The following GFRA1 variants were observed in gnomAD, a reference collection of about 807,000 sequenced individuals.
GFRA1 encodes the protein GDNF family receptor alpha 1, also known as GDNF family receptor alpha-1.
GFRA1 carries 16 observed loss-of-function variants against 51.6 expected under a neutral mutation model. That is an observed-to-expected ratio of 0.31 (90% confidence interval 0.21 to 0.47). The LOEUF (loss-of-function observed/expected upper bound fraction) is 0.47, where lower values mean the gene tolerates loss of function less well. Ranked by LOEUF, GFRA1 falls within the 20% of genes least tolerant of loss-of-function variation. The pLI, the probability that GFRA1 is intolerant of heterozygous loss-of-function variation, is 1.00. For synonymous variants in GFRA1, 270 were observed against 241.3 expected (o/e 1.12, Z -1.10); for missense variants, 530 against 594.3 (o/e 0.89, Z 1.13).
Position 116,199,309 on chromosome 10 carries a change from G to A in GFRA1, c.433+12322C>T, listed in dbSNP as rs184084368. 2.0e-4 allele frequency among the ~76,000 whole-genome samples: 30 copies of A among 152,234 alleles called. No individual in the cohort carries two copies. In the South Asian group the frequency reaches 2.7e-3, roughly 14 times the overall value. On this transcript the variant is annotated intron_variant, in intron 5 of 10. Coordinates refer to ENST00000355422, the MANE Select transcript of GFRA1 (RefSeq NM_005264.8). The stretch of plus-strand genomic sequence containing the variant: ...TCTTCTCACCTGACGCGCTGCAGCC[G>A]GACCCCAAACCTGCCTCCTCCTCTG...
At chr10:116,252,052 T>A (rs1234792870) in intron 4 of GFRA1, among the ~76,000 whole-genome samples, 1 of 147,016 alleles carries the variant, frequency 6.8e-6, no homozygotes, top group East Asian at 2.1e-4. Context: ...CCAAACAACA[T>A]TTGACTTTGT....
intron 4 of GFRA1, among the ~76,000 whole-genome samples, chr10:116,265,068 T>C (rs1336426768): frequency 6.6e-6 from 1 of 152,204 alleles, no homozygotes; most frequent in African/African-American, 2.4e-5. Context: ...CATGGCTAAT[T>C]ATTCACAGAA....
chr10:116,141,830 C>T (rs1372266586), intron 5 of GFRA1, among the ~76,000 whole-genome samples: 1 of 152,144 alleles, frequency 6.6e-6, no homozygotes, highest in Non-Finnish European at 1.5e-5. Flanking sequence ...GGGATCCACC[C>T]ATCTCAGCCT....
intron 5 of GFRA1, among the ~76,000 whole-genome samples, chr10:116,132,113 T>G (rs2134054110): frequency 6.6e-6 from 1 of 151,786 alleles, no homozygotes; most frequent in Non-Finnish European, 1.5e-5. Flanking sequence ...GAGGCTGAGG[T>G]GGGAGGATTA....
chr10:116,271,916 G>A, intron 2 of GFRA1, 74 bp downstream of exon 2: 3 of 1,184,068 alleles, frequency 2.5e-6, no homozygotes, highest in Middle Eastern at 1.9e-4. Flanking sequence ...GGTGCGGAGG[G>A]CGGGGTGGGC....
chr10:116,093,785 G>A lies in GFRA1; in HGVS notation c.932C>T (p.Pro311Leu). The A allele has an allele frequency of 6.2e-7, 1 of 1,613,750 alleles. No individual in the cohort carries two copies. Among genetic ancestry groups the A allele is most frequent in the Non-Finnish European group, 8.5e-7 (1 of 1,179,642 alleles). The change falls in exon 8 of 11, where the codon CCA becomes CTA. Residue 311 changes from proline to leucine, a missense_variant. Transcript: ENST00000355422. ...CCCACTGTTGCTGCAGTCACACCATGGGGCCACACTGAGGCTACTGGAGTC... is the reference window on the plus strand; with the variant it reads ...CCCACTGTTGCTGCAGTCACACCATAGGGCCACACTGAGGCTACTGGAGTC... ...YIDSSSLSVA[P>L]WCDCSNSGND...
intron 5 of GFRA1, among the ~76,000 whole-genome samples, chr10:116,173,072 T>A (rs1334853663): frequency 6.6e-6 from 1 of 152,244 alleles, no homozygotes; most frequent in African/African-American, 2.4e-5. Context: ...ATTTGTGGAA[T>A]ATATTCTATG....
chr10:116,239,475 A>C (rs1967173650), intron 4 of GFRA1, among the ~76,000 whole-genome samples: 2 of 152,224 alleles, frequency 1.3e-5, no homozygotes, highest in Non-Finnish European at 2.9e-5. Flanking sequence ...ACGCAGAGGC[A>C]GTGAATCTAA....
At chr10:116,114,340 T>C (rs1311789119) in intron 6 of GFRA1, among the ~76,000 whole-genome samples, 1 of 152,136 alleles carries the variant, frequency 6.6e-6, no homozygotes, top group African/African-American at 2.4e-5. Flanking sequence ...GTGCCAATAA[T>C]TGTATATTCT....
In GFRA1 at chr10:116,243,543, A is replaced by T. The variant is rs138531210; in HGVS notation, c.418+25960T>A. 2.6e-5 allele frequency among the ~76,000 whole-genome samples: 4 copies of T among 151,650 alleles called. No individual in the cohort carries two copies. The East Asian group carries it at 7.8e-4, about 29-fold the overall frequency. On this transcript the variant is annotated intron_variant, in intron 4 of 10. Transcript: ENST00000355422. ...AAAGAGAGAATAGTAAATGTGATAT[A>T]ACAAAAAGGGTTTGGTTTTTTTTTT...
rs1245930041 is a variant in GFRA1 at position 116,093,379 on chromosome 10, G to A, written c.1015+323C>T. Among the ~76,000 whole-genome samples, 8 of 152,296 alleles carry A rather than the reference G, an allele frequency of 5.3e-5. No individual in the cohort carries two copies. The South Asian group carries it at 6.2e-4, about 12-fold the overall frequency. ...CAAAATTTGATCTGCGGGTAGAAGC[G>A]TTCTTTCCCACATAATGTACCCTTA... On this transcript the variant is annotated intron_variant, in intron 8 of 10. Coordinates refer to ENST00000355422, the MANE Select transcript of GFRA1 (RefSeq NM_005264.8).
chr10:116,110,039 C>T (rs2133962900), intron 6 of GFRA1, among the ~76,000 whole-genome samples: 1 of 152,302 alleles, frequency 6.6e-6, no homozygotes, highest in African/African-American at 2.4e-5. Flanking sequence ...ACTCAAGGTG[C>T]TCCCTGTGCC....
Position 116,059,910 on chromosome 10 carries a change from A to C in GFRA1, c.*4488T>G, listed in dbSNP as rs965030934. ...TGTCTTAAAATATATCTGTTGGAAC[A>C]AAAATTAATTTGGGTCAAACTAAAT... On this transcript the variant is annotated 3_prime_UTR_variant, in exon 11 of 11. Coordinates refer to ENST00000355422, the MANE Select transcript of GFRA1 (RefSeq NM_005264.8). 6.6e-6 allele frequency: 1 copy of C among 152,214 alleles called. No individual in the cohort carries two copies. The highest frequency in any genetic ancestry group is 2.4e-5 in the African/African-American group (1 of 41,448). The allele number at this position is 152,214 out of a possible 1,614,324, so 9.4% of individuals were successfully genotyped here. A position where few individuals can be genotyped will look rare whatever the true frequency, so the allele number is the denominator to read the frequency against.
chr10:116,186,569 T>C (rs1230960026), intron 5 of GFRA1, among the ~76,000 whole-genome samples: 2 of 42,900 alleles, frequency 4.7e-5, no homozygotes, highest in Non-Finnish European at 4.8e-5. Context: ...GGAAAGGCTC[T>C]TAAAAAAAAA....
chr10:116,086,002 G>A (rs1018598940), intron 9 of GFRA1, among the ~76,000 whole-genome samples: 13 of 152,144 alleles, frequency 8.5e-5, no homozygotes, highest in African/African-American at 3.1e-4. Flanking sequence ...AGCTGTCCAA[G>A]GGTCATGGAA....
chr10:116,269,504 T>G lies in GFRA1; in HGVS notation c.417A>C (p.Ser139=). Residue 139 remains serine, a splice_region_variant and synonymous_variant, in exon 4 of 11, where the codon TCA becomes TCC. Transcript: ENST00000355422. ...SDIFRVVPFI[S]DVFQQVEHIP... is the part of the protein sequence containing the mutation. ...GCATGGAAGTATAAATCTGCTTACC[T>G]GATATGAATGGGACCACCCGGAATA... 2 of 1,561,934 alleles carry G rather than the reference T, an allele frequency of 1.3e-6. No individual in the cohort carries two copies. The highest frequency in any genetic ancestry group is 1.8e-6 in the Non-Finnish European group (2 of 1,132,458).
rs1437092612 is a variant in GFRA1 at position 116,058,016 on chromosome 10, G to T, written c.*6382C>A. 1 of 144,596 alleles carries T rather than the reference G, an allele frequency of 6.9e-6. No homozygotes were observed. The highest frequency in any genetic ancestry group is 1.5e-5 in the Non-Finnish European group (1 of 67,648). The allele number at this position is 144,596 out of a possible 1,614,324, so 9.0% of individuals were successfully genotyped here. ...TGTGTGTGTGTGTGTGTGTGTGTGT[G>T]TGTGTGTGTGTGTGTGTGTGTGTGT... On this transcript the variant is annotated 3_prime_UTR_variant, in exon 11 of 11. Coordinates refer to ENST00000355422, the MANE Select transcript of GFRA1 (RefSeq NM_005264.8).
chr10:116,121,437 C>G (rs1263704057), intron 6 of GFRA1, among the ~76,000 whole-genome samples: 2 of 152,180 alleles, frequency 1.3e-5, no homozygotes, highest in Non-Finnish European at 2.9e-5. Context: ...AGGAATCTGT[C>G]AGCTTCCCTA....
chr10:116,159,906 A>G (rs1484007384), intron 5 of GFRA1, among the ~76,000 whole-genome samples: 1 of 152,252 alleles, frequency 6.6e-6, no homozygotes, highest in Non-Finnish European at 1.5e-5. Flanking sequence ...TAAAATGGTC[A>G]TTAATCCCAC....
Sources: gnomAD v4.1 joint callset for allele counts (sites outside exome capture counted in the v4.1 genomes callset) on GRCh38, gnomAD v4.1.1 for gene constraint, MANE v1.5 for transcripts, NCBI Gene and HGNC (gene_info 2026-07-23, HGNC 2026-07-21) for gene names.